The following ITGA3 variants were observed in gnomAD, a reference collection of about 807,000 sequenced individuals.
ITGA3 encodes integrin alpha-3.
Under a neutral mutation model 131.1 loss-of-function variants are expected in ITGA3, and 70 were observed. The observed-to-expected ratio is 0.53, with a 90% CI of 0.44 to 0.65. The LOEUF (loss-of-function observed/expected upper bound fraction) is 0.65, where lower values mean the gene tolerates loss of function less well. Among genes scored for constraint, ITGA3 ranks in the 30% least tolerant of loss-of-function variants. ITGA3 has a pLI of 0.00. For missense variants in ITGA3, 1,098 were observed against 1,388.6 expected (o/e 0.79, Z 3.33); for synonymous variants, 537 against 571.6 (o/e 0.94, Z 0.86).
At chr17:50,079,007 G>T in intron 19 of ITGA3, 69 bp from the exon 20 acceptor site, 1 of 1,521,724 alleles carries the variant, frequency 6.6e-7, no homozygotes, top group Non-Finnish European at 9.1e-7. Context: ...AAGGTGGGAG[G>T]GTTGGGGGTT....
chr17:50,062,748 C>T (rs1349560083), intron 1 of ITGA3, among the ~76,000 whole-genome samples: 3 of 152,260 alleles, frequency 2.0e-5, no homozygotes, highest in Non-Finnish European at 2.9e-5. Flanking sequence ...AAGCTACAGG[C>T]GTGGCTGTTG....
In ITGA3 at chr17:50,088,373, C is replaced by G; in HGVS notation, c.*31+7C>G. ...CCGCCCCCGGCCCACCTGGGTAACA[C>G]GGCCTCCGGGCCCCCTTCCCCGAGC... On this transcript the variant is annotated splice_region_variant and intron_variant, in intron 25 of 25. Coordinates refer to ENST00000320031, the MANE Select transcript of ITGA3 (RefSeq NM_002204.4). The G allele has an allele frequency of 6.8e-7, 1 of 1,467,418 alleles. No homozygotes were observed. The highest frequency in any genetic ancestry group is 9.3e-7 in the Non-Finnish European group (1 of 1,071,600). The allele number at this position is 1,467,418 out of a possible 1,614,324, so 90.9% of individuals were successfully genotyped here.
At position 50,080,419 on chromosome 17, in the gene ITGA3, G is replaced by A. The variant is rs551809136; in HGVS notation, c.2820+44G>A. 4.9e-6 allele frequency: 6 copies of A among 1,218,350 alleles called. No homozygotes were observed. The East Asian group carries it at 1.2e-4, about 24-fold the overall frequency. The allele number at this position is 1,218,350 out of a possible 1,614,324, so 75.5% of individuals were successfully genotyped here. ...AGGTCTCTCCTACCATCCACCCTGA[G>A]GGGGAGAACAACAGGGAGAGGGCGA... On this transcript the variant is annotated intron_variant, in intron 22 of 25. Transcript: ENST00000320031.
rs542802167 is a variant in ITGA3 at position 50,078,852 on chromosome 17, G to C, written c.2326G>C (p.Gly776Arg). ...AAATCACCGGCTACAAAGCTTCTTT[G>C]GGGGGACAGTGATGGGTGAGTCTGG... ...MVNHRLQSFFGGTVMGESGMK... is the reference protein window; with the variant it reads ...MVNHRLQSFFRGTVMGESGMK... The change falls in exon 19 of 26, where the codon GGG (glycine) becomes CGG (arginine). Residue 776 changes from glycine to arginine, a missense_variant. By Grantham distance (125) the Gly-to-Arg change is moderately radical (BLOSUM62 -2). Coordinates refer to ENST00000320031, the MANE Select transcript of ITGA3 (RefSeq NM_002204.4). The C allele has an allele frequency of 3.1e-6, 5 of 1,612,284 alleles. No homozygotes were observed. Among genetic ancestry groups the C allele is most frequent in the Non-Finnish European group, 4.2e-6 (5 of 1,178,392 alleles).
chr17:50,089,559 C>T lies in ITGA3; in HGVS notation c.*481C>T, dbSNP rs112898874. 1.1e-5 allele frequency: 4 copies of T among 364,400 alleles called. No homozygotes were observed. The highest frequency in any genetic ancestry group is 7.9e-5 in the Admixed American group (2 of 25,236). 22.6% of individuals were successfully genotyped at this position (364,400 alleles called of 1,614,324 possible). On this transcript the variant is annotated 3_prime_UTR_variant, in exon 26 of 26. Transcript: ENST00000320031. ...GTGCATCACGGATGGTGCATGGGCT[C>T]GCCGTGTCTCAGCCTCTGCCAGCGC...
Position 50,071,941 on chromosome 17 carries a change from T to C in ITGA3, c.960-45T>C, listed in dbSNP as rs762420164. 4 of 1,545,190 alleles carry C rather than the reference T, an allele frequency of 2.6e-6. No individual in the cohort carries two copies. The South Asian group carries it at 3.5e-5, about 14-fold the overall frequency. ...TGTCAAACAAGAACTATGCTGCATA[T>C]TGGAGGCTGACCTCACACTCCCATT... On this transcript the variant is annotated intron_variant, in intron 6 of 25. Transcript: ENST00000320031.
rs756848 is a variant in ITGA3, at chr17:50,080,557, A to G, written c.2820+182A>G. The stretch of plus-strand genomic sequence containing the variant: ...TATGTGTTTGTCCCCAGCCAAAATG[A>G]CCTTTCTCGTGTCCATTATTCTGTT... On this transcript the variant is annotated intron_variant, in intron 22 of 25. Transcript: ENST00000320031. Among the ~76,000 whole-genome samples, 11,181 of 150,616 alleles carry G rather than the reference A, an allele frequency of 0.074. 663 individuals are homozygous for G. Among genetic ancestry groups the G allele is most frequent in the African/African-American group, 0.16 (6,595 of 40,854 alleles).
At chr17:50,058,643 G>C (rs1907938639) in intron 1 of ITGA3, among the ~76,000 whole-genome samples, 1 of 152,232 alleles carries the variant, frequency 6.6e-6, no homozygotes. Flanking sequence ...TCTCCCTTGA[G>C]TATCCTCAGT....
intron 1 of ITGA3, among the ~76,000 whole-genome samples, chr17:50,061,538 G>GA (rs1908077090): frequency 4.6e-5 from 7 of 151,094 alleles, no homozygotes; most frequent in African/African-American, 1.7e-4. Context: ...TGTCACTGTA[G>GA]AAAATTCCCA....
At chr17:50,069,006 C>T (rs907847314) in intron 4 of ITGA3, among the ~76,000 whole-genome samples, 2 of 151,818 alleles carry the variant, frequency 1.3e-5, no homozygotes, top group Admixed American at 6.6e-5. Context: ...CGCCACCATG[C>T]CCGGCTAATT....
chr17:50,057,204 C>T (rs1179147527), intron 1 of ITGA3, among the ~76,000 whole-genome samples: 1 of 152,204 alleles, frequency 6.6e-6, no homozygotes. Context: ...TACGCTCCCT[C>T]TGACGCCTTG....
At position 50,064,301 on chromosome 17, in the gene ITGA3, A is replaced by G. The variant is rs370653742; in HGVS notation, c.334+97A>G. ...TGGAGGAGATAGAAGGCTTGTTCAC[A>G]CGGCTTCTAGTCGCTTCTTGTCCAG... is the stretch of plus-strand genomic sequence containing the variant. On this transcript the variant is annotated intron_variant, in intron 2 of 25. Transcript: ENST00000320031. This position sits in a 1 kb window ranked among gnomAD's most constrained non-coding sequence, Gnocchi z 4.4. The G allele has an allele frequency of 5.4e-6, 8 of 1,470,520 alleles. No homozygotes were observed. The highest frequency in any genetic ancestry group is 4.9e-5 in the East Asian group (2 of 40,724). 91.1% of individuals were successfully genotyped at this position (1,470,520 alleles called of 1,614,324 possible). A position where few individuals can be genotyped will look rare whatever the true frequency, so the allele number is the denominator to read the frequency against.
chr17:50,082,635 G>T (rs1234816678), intron 23 of ITGA3, among the ~76,000 whole-genome samples: 1 of 152,056 alleles, frequency 6.6e-6, no homozygotes, highest in African/African-American at 2.4e-5. Context: ...GACCCAATAA[G>T]ATAATTCAGG....
Position 50,064,579 on chromosome 17 carries a change from C to T in ITGA3, c.386C>T (p.Ala129Val), listed in dbSNP as rs1165668996. 25 of 1,613,028 alleles carry T rather than the reference C, an allele frequency of 1.5e-5. No homozygotes were observed. Among genetic ancestry groups the T allele is most frequent in the Non-Finnish European group, 2.0e-5 (24 of 1,179,768 alleles). ...IEDMWLGVTV[A>V]SQGPAGRVLV... is the part of the protein sequence containing the mutation. The stretch of plus-strand genomic sequence containing the variant: ...GACATGTGGCTTGGAGTGACTGTGG[C>T]CAGCCAGGGCCCTGCAGGCAGAGTT... The change falls in exon 3 of 26, where the codon GCC (alanine) becomes GTC (valine). Residue 129 changes from alanine to valine, a missense_variant. Around this residue, in one of 3 missense-constraint regions of ITGA3, gnomAD observed 356 missense variants for 529.2 expected, o/e 0.67. Coordinates refer to ENST00000320031, the MANE Select transcript of ITGA3 (RefSeq NM_002204.4). This position sits in a 1 kb window ranked among gnomAD's most constrained non-coding sequence, Gnocchi z 4.4.
chr17:50,074,557 C>G (rs2077979838), intron 10 of ITGA3, 23 bp downstream of exon 10: 1 of 1,542,712 alleles, frequency 6.5e-7, no homozygotes, highest in African/African-American at 1.4e-5. Context: ...TGCCCACCTA[C>G]TCCTCATTTA....
intron 7 of ITGA3, among the ~76,000 whole-genome samples, chr17:50,072,501 C>A (rs913931469): frequency 4.3e-5 from 5 of 116,780 alleles, no homozygotes; most frequent in African/African-American, 1.3e-4. Flanking sequence ...CCAAATCTAG[C>A]GGGTGTAGAG....
rs1448820026 is a variant in ITGA3, at chr17:50,064,544, CATT to C, written c.355_357del (p.Ile119del). The C allele has an allele frequency of 6.2e-7, 1 of 1,612,708 alleles. No individual in the cohort carries two copies. The highest frequency in any genetic ancestry group is 8.5e-7 in the Non-Finnish European group (1 of 1,179,746). ...TGCCCACAGATGACCCTGGCCATCA[CATT>C]ATTGAGGACATGTGGCTTGGAGTGA... On this transcript the variant is annotated inframe_deletion, in exon 3 of 26. Coordinates refer to ENST00000320031, the MANE Select transcript of ITGA3 (RefSeq NM_002204.4). This position sits in a 1 kb window ranked among gnomAD's most constrained non-coding sequence, Gnocchi z 4.4.
rs1197412493 is a variant in ITGA3 at position 50,064,785 on chromosome 17, T to C, written c.414+178T>C. Reference sequence around the variant, plus strand: ...GCTCTCTGCACTCCTGGGGAGGGGGTGAGTATCCTGTGCTCTCCCAAACCC... The same window carrying C: ...GCTCTCTGCACTCCTGGGGAGGGGGCGAGTATCCTGTGCTCTCCCAAACCC... On this transcript the variant is annotated intron_variant, in intron 3 of 25. Transcript: ENST00000320031. This position sits in a 1 kb window ranked among gnomAD's most constrained non-coding sequence, Gnocchi z 4.4. 7.0e-6 allele frequency: 4 copies of C among 573,986 alleles called. No homozygotes were observed. The highest frequency in any genetic ancestry group is 9.2e-6 in the Non-Finnish European group (3 of 325,786). 35.6% of individuals were successfully genotyped at this position (573,986 alleles called of 1,614,324 possible).
At chr17:50,059,239 A>T (rs1026996236) in intron 1 of ITGA3, among the ~76,000 whole-genome samples, 1 of 152,146 alleles carries the variant, frequency 6.6e-6, no homozygotes, top group Non-Finnish European at 1.5e-5. Flanking sequence ...CCTTGGAGGG[A>T]CAGGGACTGT....
Sources: allele counts gnomAD v4.1 joint callset (sites outside exome capture counted in the v4.1 genomes callset), GRCh38; gene constraint gnomAD v4.1.1; regional missense constraint gnomAD v4.1.1; non-coding constraint Gnocchi (gnomAD v3.1); transcripts MANE v1.5; gene names NCBI Gene and HGNC (gene_info 2026-07-23, HGNC 2026-07-21).